TLN2: variants seen among roughly 807,000 people sequenced by gnomAD.
TLN2 encodes the protein talin 2.
Under a neutral mutation model 294.7 loss-of-function variants are expected in TLN2, and 118 were observed. The observed-to-expected ratio is 0.40, with a 90% CI of 0.34 to 0.47. The LOEUF (loss-of-function observed/expected upper bound fraction) is 0.47. Ranked by LOEUF, TLN2 falls within the 20% of genes least tolerant of loss-of-function variation. TLN2 has a pLI of 0.84. For synonymous variants in TLN2, 1,431 were observed against 1,304.5 expected (o/e 1.10, Z -2.09); for missense variants, 3,083 against 3,282.2 (o/e 0.94, Z 1.48).
intron 1 of TLN2, among the ~76,000 whole-genome samples, chr15:62,584,005 T>C (rs1340182004): frequency 1.3e-5 from 2 of 152,224 alleles, no homozygotes; most frequent in East Asian, 1.9e-4. Context: ...CTACTTTGCA[T>C]TGATATTGTT....
intron 3 of TLN2, among the ~76,000 whole-genome samples, chr15:62,633,432 G>A (rs1393784966): frequency 1.3e-5 from 2 of 152,100 alleles, no homozygotes; most frequent in African/African-American, 4.8e-5. Context: ...GAGTAGCTAG[G>A]ACTGCAGGTG....
intron 1 of TLN2, among the ~76,000 whole-genome samples, chr15:62,582,786 T>G (rs1045262201): frequency 6.6e-6 from 1 of 152,132 alleles, no homozygotes; most frequent in African/African-American, 2.4e-5. Flanking sequence ...TTACCTGATT[T>G]AACCTGTTGG....
At chr15:62,822,417 C>T (rs117118453) in intron 54 of TLN2, among the ~76,000 whole-genome samples, 2,559 of 152,302 alleles carry the variant, frequency 0.017, 45 homozygotes, top group Admixed American at 0.036. Context: ...CCAGGAAGCT[C>T]GCGTTGTTCA....
chr15:62,561,665 CTT>C (rs200031936), intron 1 of TLN2, among the ~76,000 whole-genome samples: 1 of 151,376 alleles, frequency 6.6e-6, no homozygotes, highest in African/African-American at 2.4e-5. Context: ...GTCTCTCTCT[CTT>C]TTTTTTTCCG....
intron 1 of TLN2, among the ~76,000 whole-genome samples, chr15:62,525,815 C>T (rs2040705536): frequency 6.6e-6 from 1 of 152,206 alleles, no homozygotes; most frequent in African/African-American, 2.4e-5. Context: ...GGCACCCCTG[C>T]TTCTAGCTCA....
rs1464153375 is a variant in TLN2, at chr15:62,707,250, C to T, written c.2169C>T (p.Ala723=). 1 of 1,606,052 alleles carries T rather than the reference C, an allele frequency of 6.2e-7. No homozygotes were observed. The highest frequency in any genetic ancestry group is 8.5e-7 in the Non-Finnish European group (1 of 1,174,214). The change falls in exon 20 of 59, where the codon GCC becomes GCT. Residue 723 remains alanine, a synonymous_variant. Coordinates refer to ENST00000636159, the MANE Select transcript of TLN2 (RefSeq NM_015059.3). The stretch of plus-strand genomic sequence containing the variant: ...CCACCTCCCAGCTTGTGGCATGTGC[C>T]AAGGTAAGCCAGCTGGCACCCCAGC... ...ALSTSQLVAC[A]KVVSPTISSP... is the part of the protein sequence containing the mutation.
intron 1 of TLN2, among the ~76,000 whole-genome samples, chr15:62,428,845 G>A (rs1320206347): frequency 1.3e-5 from 2 of 152,136 alleles, no homozygotes; most frequent in Non-Finnish European, 2.9e-5. Flanking sequence ...TATAATGTGT[G>A]CTTATTAATA....
chr15:62,743,376 CCTT>C (rs1286895394), intron 32 of TLN2, among the ~76,000 whole-genome samples: 5 of 152,068 alleles, frequency 3.3e-5, no homozygotes, highest in African/African-American at 9.7e-5. Context: ...TCTCTGTGGT[CCTT>C]CTTGCTCTGG....
At chr15:62,755,109 A>G (rs1173488897) in intron 36 of TLN2, 5 of 154,970 alleles carry the variant, frequency 3.2e-5, no homozygotes, top group Non-Finnish European at 7.1e-5. Flanking sequence ...TTTTGGATAT[A>G]CCAAGTTAAA....
chr15:62,523,733 A>T (rs1415047390), intron 1 of TLN2, among the ~76,000 whole-genome samples: 1 of 152,258 alleles, frequency 6.6e-6, no homozygotes, highest in African/African-American at 2.4e-5. Context: ...ATATTTTTAA[A>T]ACGTGGTACA....
chr15:62,696,176 G>A (rs987028193), intron 14 of TLN2, among the ~76,000 whole-genome samples: 7 of 152,118 alleles, frequency 4.6e-5, no homozygotes, highest in Non-Finnish European at 1.0e-4. Context: ...TGGGATCCCC[G>A]CGTGGCTATC....
chr15:62,658,005 T>G (rs2140961159), intron 9 of TLN2, 107 bp downstream of exon 9: 1 of 1,099,796 alleles, frequency 9.1e-7, no homozygotes, highest in Non-Finnish European at 1.3e-6. Context: ...ATTTCAATCA[T>G]TTGTGAGAAT....
At chr15:62,610,919 A>G (rs1168054283) in intron 2 of TLN2, among the ~76,000 whole-genome samples, 2 of 152,168 alleles carry the variant, frequency 1.3e-5, no homozygotes, top group Admixed American at 6.5e-5. Flanking sequence ...ATTCACACCA[A>G]TACTTCAGAT....
intron 28 of TLN2, among the ~76,000 whole-genome samples, chr15:62,730,131 C>T (rs1047076376): frequency 2.7e-5 from 4 of 146,512 alleles, no homozygotes; most frequent in African/African-American, 5.0e-5. Context: ...TGGGTTCAAG[C>T]AATTCTCCTG....
In TLN2 at chr15:62,659,956, T is replaced by C. The variant is rs181397831; in HGVS notation, c.788+2058T>C. Among the ~76,000 whole-genome samples the C allele has an allele frequency of 2.2e-3, 334 of 152,316 alleles. 4 individuals carry two copies. Among genetic ancestry groups the C allele is most frequent in the African/African-American group, 7.6e-3 (316 of 41,572 alleles). ...CGAGTTGGATAGTCAGGTCCTGTTT[T>C]TACCTGGGCTGTCCCTGGTGACTGG... is the stretch of plus-strand genomic sequence containing the variant. On this transcript the variant is annotated intron_variant, in intron 9 of 58. Coordinates refer to ENST00000636159, the MANE Select transcript of TLN2 (RefSeq NM_015059.3).
chr15:62,800,338 T>A, intron 48 of TLN2, 30 bp from the exon 49 acceptor site: 1 of 1,608,798 alleles, frequency 6.2e-7, no homozygotes, highest in Non-Finnish European at 8.5e-7. Flanking sequence ...TCTTGACGCC[T>A]GCTCACCTGA....
intron 1 of TLN2, among the ~76,000 whole-genome samples, chr15:62,465,389 C>G (rs909770188): frequency 6.6e-6 from 1 of 152,072 alleles, no homozygotes; most frequent in Non-Finnish European, 1.5e-5. Flanking sequence ...TTTCAGAGAA[C>G]GAGTGTGATG....
At chr15:62,556,646 T>G (rs557122230) in intron 1 of TLN2, among the ~76,000 whole-genome samples, 1 of 152,340 alleles carries the variant, frequency 6.6e-6, no homozygotes, top group East Asian at 1.9e-4. Context: ...CCATTTGTAA[T>G]CCACTAGACT....
At chr15:62,711,513 A>G (rs141426123) in intron 21 of TLN2, among the ~76,000 whole-genome samples, 46 of 152,336 alleles carry the variant, frequency 3.0e-4, no homozygotes, top group African/African-American at 9.4e-4. Context: ...TTCTGTGCCA[A>G]TTCTTCAAAA....
Sources: allele counts gnomAD v4.1 joint callset (sites outside exome capture counted in the v4.1 genomes callset), GRCh38; gene constraint gnomAD v4.1.1; transcripts MANE v1.5; gene names NCBI Gene and HGNC (gene_info 2026-07-23, HGNC 2026-07-21).